The following NTNG1 variants were observed in gnomAD, a reference collection of about 807,000 sequenced individuals.
NTNG1 encodes the protein netrin-G1.
A neutral mutation model predicts 54.0 loss-of-function variants in NTNG1; 16 were observed. That is an observed-to-expected ratio of 0.30 (90% CI 0.20 to 0.45). The LOEUF (loss-of-function observed/expected upper bound fraction) is 0.45. Ranked by LOEUF, NTNG1 falls within the 20% of genes least tolerant of loss-of-function variation. The pLI, the probability that NTNG1 is intolerant of heterozygous loss-of-function variation, is 1.00. For synonymous variants in NTNG1, 255 were observed against 263.1 expected (o/e 0.97, Z 0.30); for missense variants, 530 against 678.7 (o/e 0.78, Z 2.43).
chr1:107,155,310 A>G (rs1006760724), intron 2 of NTNG1, among the ~76,000 whole-genome samples: 3 of 151,938 alleles, frequency 2.0e-5, no homozygotes, highest in East Asian at 1.9e-4. Flanking sequence ...TCTGTTTGGC[A>G]TAGTCCGTGC....
chr1:107,149,282 G>A (rs1443954821), intron 2 of NTNG1, among the ~76,000 whole-genome samples: 1 of 152,100 alleles, frequency 6.6e-6, no homozygotes, highest in South Asian at 2.1e-4. Context: ...TTCAAGGAGA[G>A]ACTAGATCTC....
At position 107,242,070 on chromosome 1, in the gene NTNG1, G is replaced by A. The variant is rs115160244; in HGVS notation, c.247-82212G>A. Among the ~76,000 whole-genome samples the A allele has an allele frequency of 9.3e-3, 1,411 of 152,220 alleles. 17 individuals carry two copies. The highest frequency in any genetic ancestry group is 0.032 in the African/African-American group (1,310 of 41,560). On this transcript the variant is annotated intron_variant, in intron 2 of 7. Coordinates refer to ENST00000370068, the MANE Select transcript of NTNG1 (RefSeq NM_001113226.3). ...GGCAGATCGCTCAATGAGCCCAGGA[G>A]TTCGACACCACCTGGACGTCATAGC... is the stretch of plus-strand genomic sequence containing the variant.
intron 5 of NTNG1, among the ~76,000 whole-genome samples, chr1:107,416,231 G>A (rs569585972): frequency 2.6e-5 from 4 of 152,048 alleles, no homozygotes; most frequent in South Asian, 2.1e-4. Flanking sequence ...GATTTGATCC[G>A]GATTTTCATA....
At chr1:107,166,632 C>G (rs1208874967) in intron 2 of NTNG1, among the ~76,000 whole-genome samples, 1 of 151,998 alleles carries the variant, frequency 6.6e-6, no homozygotes, top group African/African-American at 2.4e-5. Flanking sequence ...TTTACAAAAG[C>G]CTGATCAAGT....
intron 2 of NTNG1, among the ~76,000 whole-genome samples, chr1:107,266,821 T>G (rs566089080): frequency 6.6e-6 from 1 of 152,122 alleles, no homozygotes; most frequent in African/African-American, 2.4e-5. Context: ...TTTCAGCCAG[T>G]GGGAGTGCTC....
chr1:107,194,174 T>A (rs1399211914), intron 2 of NTNG1, among the ~76,000 whole-genome samples: 1 of 151,958 alleles, frequency 6.6e-6, no homozygotes, highest in East Asian at 1.9e-4. Flanking sequence ...CAGCCTGTCC[T>A]CCCTCTACCT....
At chr1:107,321,251 G>A (rs1667646018) in intron 2 of NTNG1, among the ~76,000 whole-genome samples, 1 of 152,122 alleles carries the variant, frequency 6.6e-6, no homozygotes. Context: ...GTTTATTGCT[G>A]TATCTTGAGA....
At chr1:107,373,772 C>T (rs1433283285) in intron 3 of NTNG1, among the ~76,000 whole-genome samples, 1 of 151,992 alleles carries the variant, frequency 6.6e-6, no homozygotes, top group African/African-American at 2.4e-5. Context: ...AATCATAGCT[C>T]ACTACAGCCT....
At chr1:107,477,514 T>C (rs1678406863) in intron 7 of NTNG1, among the ~76,000 whole-genome samples, 1 of 152,204 alleles carries the variant, frequency 6.6e-6, no homozygotes, top group Non-Finnish European at 1.5e-5. Flanking sequence ...TAAAAGACAA[T>C]TGCTTAATAA....
intron 3 of NTNG1, among the ~76,000 whole-genome samples, chr1:107,387,657 G>A (rs1215659603): frequency 6.6e-6 from 1 of 152,164 alleles, no homozygotes; most frequent in Non-Finnish European, 1.5e-5. Context: ...AGAGAGTAAT[G>A]TCCTAGATCC....
chr1:107,290,471 A>AT (rs145048432), intron 2 of NTNG1, among the ~76,000 whole-genome samples: 6,079 of 151,604 alleles, frequency 0.04, 350 homozygotes, highest in African/African-American at 0.13. Flanking sequence ...TGAATAAGCC[A>AT]TTTTTTTTTA....
chr1:107,311,899 A>G (rs867696128), intron 2 of NTNG1, among the ~76,000 whole-genome samples: 7 of 152,322 alleles, frequency 4.6e-5, no homozygotes, highest in African/African-American at 9.6e-5. Flanking sequence ...GAACACCACA[A>G]GTGAGTGAAA....
chr1:107,234,766 A>G (rs573046710), intron 2 of NTNG1, among the ~76,000 whole-genome samples: 1 of 152,312 alleles, frequency 6.6e-6, no homozygotes, highest in East Asian at 1.9e-4. Flanking sequence ...GGAATCTTTT[A>G]TTAGATAAAA....
chr1:107,396,910 A>G (rs1381224412), intron 4 of NTNG1, among the ~76,000 whole-genome samples: 1 of 152,164 alleles, frequency 6.6e-6, no homozygotes, highest in Non-Finnish European at 1.5e-5. Flanking sequence ...CTCAGCTTCT[A>G]TTCTAACGTG....
intron 2 of NTNG1, among the ~76,000 whole-genome samples, chr1:107,268,921 C>G (rs1663941710): frequency 6.6e-6 from 1 of 152,154 alleles, no homozygotes; most frequent in East Asian, 1.9e-4. Context: ...GGAGCCAACC[C>G]TCCAAGCCAT....
intron 3 of NTNG1, among the ~76,000 whole-genome samples, chr1:107,365,623 G>A (rs1465271616): frequency 6.6e-6 from 1 of 152,074 alleles, no homozygotes; most frequent in Non-Finnish European, 1.5e-5. Flanking sequence ...ATACAGAATA[G>A]ACAGTATCTT....
At chr1:107,287,750 A>C (rs1020556519) in intron 2 of NTNG1, among the ~76,000 whole-genome samples, 6 of 152,190 alleles carry the variant, frequency 3.9e-5, no homozygotes, top group Admixed American at 1.3e-4. Context: ...ACAGTTCACT[A>C]AACACTTTAT....
chr1:107,327,089 C>T (rs942926916), intron 3 of NTNG1, among the ~76,000 whole-genome samples: 3 of 152,134 alleles, frequency 2.0e-5, no homozygotes, highest in African/African-American at 7.2e-5. Context: ...TTCCTGTTCA[C>T]TAGTCAACTG....
intron 7 of NTNG1, among the ~76,000 whole-genome samples, chr1:107,439,596 C>T (rs1675835664): frequency 6.6e-6 from 1 of 152,082 alleles, no homozygotes. Flanking sequence ...CCTTTGGGAA[C>T]ATAGGAGATT....
Sources: gnomAD v4.1 joint callset for allele counts (sites outside exome capture counted in the v4.1 genomes callset) on GRCh38, gnomAD v4.1.1 for gene constraint, MANE v1.5 for transcripts, NCBI Gene and HGNC (gene_info 2026-07-23, HGNC 2026-07-21) for gene names.